MBNL2: variants seen among roughly 807,000 people sequenced by gnomAD.
MBNL2 encodes the protein muscleblind-like protein 2.
In MBNL2, 17 loss-of-function variants were observed where a neutral mutation model predicts 41.9. The ratio of observed to expected loss-of-function variants is 0.41; its 90% CI spans 0.28 to 0.61. The LOEUF (loss-of-function observed/expected upper bound fraction) is 0.61, where lower values mean the gene tolerates loss of function less well. Ranked by LOEUF, MBNL2 falls within the 20% of genes least tolerant of loss-of-function variation. The probability of loss-of-function intolerance (pLI) is 0.35; values close to 1 mark genes in which losing one functional copy is unlikely to be tolerated. For missense variants in MBNL2, 336 were observed against 505.6 expected, an observed-to-expected ratio of 0.66 and a Z score of 3.22; for synonymous variants, 195 against 182.9, an observed-to-expected ratio of 1.07 and a Z score of -0.53.
At chr13:97,184,756 C>T in the MBNL2 span, among the ~76,000 whole-genome samples, 13 of 152,232 alleles carry the variant, frequency 8.5e-5, no homozygotes, top group African/African-American at 3.1e-4. Flanking sequence ...GAGGCTGAGG[C>T]GGGCAGATCA....
chr13:97,265,568 G>T (rs547997174), intron 1 of MBNL2, among the ~76,000 whole-genome samples: 1 of 152,192 alleles, frequency 6.6e-6, no homozygotes, highest in East Asian at 1.9e-4. Flanking sequence ...CAGAGAAAGA[G>T]CCTTTCTACT....
chr13:97,384,822 T>C (rs2153165255), intron 8 of MBNL2, among the ~76,000 whole-genome samples: 1 of 152,300 alleles, frequency 6.6e-6, no homozygotes, highest in African/African-American at 2.4e-5. Flanking sequence ...GCAAAAGATT[T>C]CTAAGAAACC....
chr13:97,236,589 T>G (rs1381042552), intron 1 of MBNL2, among the ~76,000 whole-genome samples: 2 of 152,120 alleles, frequency 1.3e-5, no homozygotes, highest in East Asian at 3.9e-4. Flanking sequence ...TAAGATAAAG[T>G]TCGTGGGAAG....
At chr13:97,200,959 T>G in the MBNL2 span, among the ~76,000 whole-genome samples, 1 of 152,172 alleles carries the variant, frequency 6.6e-6, no homozygotes, top group Non-Finnish European at 1.5e-5. Context: ...TTATGAAAGT[T>G]CATTTCTCAT....
At chr13:97,327,570 A>AAAAC (rs1311816034) in intron 2 of MBNL2, among the ~76,000 whole-genome samples, 5 of 151,000 alleles carry the variant, frequency 3.3e-5, no homozygotes, top group Non-Finnish European at 5.9e-5. Context: ...TAAAAAAAAA[A>AAAAC]AAAAAAAAAA....
Position 97,359,239 on chromosome 13 carries a change from T to C in MBNL2, c.1012+1604T>C, listed in dbSNP as rs188129621. On this transcript the variant is annotated intron_variant, in intron 7 of 8. Coordinates refer to ENST00000679496, the MANE Select transcript of MBNL2 (RefSeq NM_001382683.1). ...TGTGTGGTTTCTACAAAGTGTGTCA[T>C]TGTAGACCTCTTGGCCACTAGATAT... 4.1e-3 allele frequency among the ~76,000 whole-genome samples: 625 copies of C among 152,056 alleles called. 2 individuals are homozygous for C. The highest frequency in any genetic ancestry group is 9.8e-3 in the Admixed American group (149 of 15,236).
At chr13:97,361,988 G>A (rs2063448616) in intron 7 of MBNL2, among the ~76,000 whole-genome samples, 1 of 151,782 alleles carries the variant, frequency 6.6e-6, no homozygotes, top group Non-Finnish European at 1.5e-5. Flanking sequence ...GGCCAGACTG[G>A]TCTTGATCTC....
intron 5 of MBNL2, among the ~76,000 whole-genome samples, chr13:97,352,215 T>C (rs2062562466): frequency 6.6e-6 from 1 of 152,166 alleles, no homozygotes; most frequent in Non-Finnish European, 1.5e-5. Context: ...TTAATTTCCT[T>C]CAAGAACTTT....
intron 8 of MBNL2, among the ~76,000 whole-genome samples, chr13:97,386,961 G>C (rs1031063464): frequency 1.2e-4 from 18 of 151,938 alleles, no homozygotes; most frequent in Admixed American, 1.1e-3. Context: ...GAGATCAAGT[G>C]TATCTTTGCC....
chr13:97,320,687 G>A (rs1014467972), intron 2 of MBNL2, among the ~76,000 whole-genome samples: 135 of 152,144 alleles, frequency 8.9e-4, no homozygotes, highest in African/African-American at 3.2e-3. Flanking sequence ...GCCGAGGTGG[G>A]TGGATCACCT....
chr13:97,378,155 A>C (rs1359604855), intron 8 of MBNL2, among the ~76,000 whole-genome samples: 1 of 152,258 alleles, frequency 6.6e-6, no homozygotes, highest in African/African-American at 2.4e-5. Context: ...ATATAATATT[A>C]CTTAATTGAA....
Position 97,343,027 on chromosome 13 carries a change from T to A in MBNL2, c.351T>A (p.Pro117=), listed in dbSNP as rs1488234712. The part of the protein sequence containing the change: ...GTPLHPVPTF[P]VGPAIGTNTA... ...TCTTCCTTTAACAGCCCACTTTCCC[T>A]GTAGGTCCCGCGATAGGGACAAATA... is the stretch of plus-strand genomic sequence containing the variant. Residue 117 remains proline, a synonymous_variant, in exon 4 of 9, where the codon CCT becomes CCA. Transcript: ENST00000679496. The A allele has an allele frequency of 6.2e-7, 1 of 1,611,544 alleles. No homozygotes were observed. The highest frequency in any genetic ancestry group is 2.2e-5 in the East Asian group (1 of 44,876).
At chr13:97,214,932 A>C in the MBNL2 span, among the ~76,000 whole-genome samples, 4 of 152,226 alleles carry the variant, frequency 2.6e-5, no homozygotes, top group Admixed American at 6.5e-5. Context: ...GCTTATATTT[A>C]CAATTCACCA....
chr13:97,179,747 A>G, the MBNL2 span: 1 of 152,232 alleles, frequency 6.6e-6, no homozygotes, highest in East Asian at 1.9e-4. Flanking sequence ...TGCTTGTCCC[A>G]GCTAAGAAAC....
At position 97,276,379 on chromosome 13, in the gene MBNL2, A is replaced by G. The variant is rs1177920101; in HGVS notation, c.144A>G (p.Gly48=). The change falls in exon 2 of 9, where the codon GGA becomes GGG. Residue 48 remains glycine (G), a synonymous_variant. Transcript: ENST00000679496. ...HPPKSCQVEN[G]RVIACFDSLK... ...CCAAAAGTTGTCAGGTTGAAAATGG[A>G]AGAGTAATTGCCTGCTTTGATTCCC... 1.2e-6 allele frequency: 2 copies of G among 1,613,976 alleles called. No homozygotes were observed. The highest frequency in any genetic ancestry group is 1.7e-5 in the Admixed American group (1 of 60,000).
the MBNL2 span, among the ~76,000 whole-genome samples, chr13:97,160,726 C>T: frequency 6.6e-6 from 1 of 152,164 alleles, no homozygotes; most frequent in African/African-American, 2.4e-5. Flanking sequence ...GAATGAGAAT[C>T]AGGAATTCTG....
intron 1 of MBNL2, among the ~76,000 whole-genome samples, chr13:97,225,988 T>A (rs1258465961): frequency 6.6e-6 from 1 of 152,194 alleles, no homozygotes; most frequent in Non-Finnish European, 1.5e-5. Context: ...GTTAACATAC[T>A]ATTTTTTTTT....
At chr13:97,174,817 G>A in the MBNL2 span, among the ~76,000 whole-genome samples, 2 of 152,042 alleles carry the variant, frequency 1.3e-5, no homozygotes, top group Non-Finnish European at 2.9e-5. Flanking sequence ...TAAGGCCAGT[G>A]GAAACAGGTG....
chr13:97,338,104 C>T (rs922884595), intron 3 of MBNL2, among the ~76,000 whole-genome samples: 2 of 152,190 alleles, frequency 1.3e-5, no homozygotes, highest in Non-Finnish European at 2.9e-5. Context: ...CTTATGTGCC[C>T]CTCCATGCTT....
Sources: allele counts gnomAD v4.1 joint callset (sites outside exome capture counted in the v4.1 genomes callset), GRCh38; gene constraint gnomAD v4.1.1; transcripts MANE v1.5; gene names NCBI Gene and HGNC (gene_info 2026-07-23, HGNC 2026-07-21).